SNCAIP: variants seen among roughly 807,000 people sequenced by gnomAD.
SNCAIP encodes the protein synphilin-1.
A neutral mutation model predicts 86.7 loss-of-function variants in SNCAIP; 43 were observed. The observed-to-expected ratio is 0.50, with a 90% CI of 0.39 to 0.64. The LOEUF (loss-of-function observed/expected upper bound fraction) is 0.64, where lower values mean the gene tolerates loss of function less well. SNCAIP is among the 30% of genes least tolerant of loss of function. The pLI, the probability that SNCAIP is intolerant of heterozygous loss-of-function variation, is 0.00. For synonymous variants in SNCAIP, 417 were observed against 427.2 expected (o/e 0.98, Z 0.29); for missense variants, 981 against 1,103.1 (o/e 0.89, Z 1.57).
At chr5:122,425,975 A>G (rs1777300992) in intron 5 of SNCAIP, among the ~76,000 whole-genome samples, 1 of 152,242 alleles carries the variant, frequency 6.6e-6, no homozygotes, top group South Asian at 2.1e-4. Context: ...GAGTGTCTTC[A>G]GTATCAAGAA....
chr5:122,346,429 T>C (rs1003977266), intron 1 of SNCAIP, among the ~76,000 whole-genome samples: 2 of 152,182 alleles, frequency 1.3e-5, no homozygotes, highest in Non-Finnish European at 2.9e-5. Flanking sequence ...GCTCTATATT[T>C]TCTAAGTATA....
intron 10 of SNCAIP, among the ~76,000 whole-genome samples, chr5:122,459,704 C>A (rs548413219): frequency 8.5e-5 from 13 of 152,244 alleles, no homozygotes; most frequent in African/African-American, 2.9e-4. Flanking sequence ...AGCAGAAATG[C>A]CCATCAAAGT....
intron 3 of SNCAIP, among the ~76,000 whole-genome samples, chr5:122,411,428 T>G (rs1039653502): frequency 6.6e-6 from 1 of 152,198 alleles, no homozygotes; most frequent in Non-Finnish European, 1.5e-5. Flanking sequence ...GCTTCTGTTA[T>G]AGCATCTCTG....
intron 1 of SNCAIP, among the ~76,000 whole-genome samples, chr5:122,372,636 T>C (rs1764501014): frequency 6.6e-6 from 1 of 152,180 alleles, no homozygotes; most frequent in African/African-American, 2.4e-5. Context: ...TCTCCAGTCA[T>C]ACTTAGAAGA....
chr5:122,346,204 C>T (rs561101044), intron 1 of SNCAIP, among the ~76,000 whole-genome samples: 1 of 152,244 alleles, frequency 6.6e-6, no homozygotes, highest in East Asian at 1.9e-4. Context: ...GATTTTCTTA[C>T]TTGAAAAGGT....
chr5:122,355,887 C>T (rs1294950734), intron 1 of SNCAIP, among the ~76,000 whole-genome samples: 8 of 152,174 alleles, frequency 5.3e-5, no homozygotes, highest in Non-Finnish European at 1.5e-5. Flanking sequence ...ACGTTGTCAA[C>T]TCCGAGGTTA....
chr5:122,352,681 A>G (rs1338558616), intron 1 of SNCAIP, among the ~76,000 whole-genome samples: 4 of 152,186 alleles, frequency 2.6e-5, no homozygotes, highest in South Asian at 4.1e-4. Flanking sequence ...GGTTGTCCAT[A>G]GTCAATATGA....
At chr5:122,430,534 T>G (rs544056895) in intron 5 of SNCAIP, among the ~76,000 whole-genome samples, 1 of 152,308 alleles carries the variant, frequency 6.6e-6, no homozygotes, top group Non-Finnish European at 1.5e-5. Context: ...TCCATGGTCT[T>G]GCAACTAAGT....
At chr5:122,340,262 A>G (rs116837557) in intron 1 of SNCAIP, among the ~76,000 whole-genome samples, 332 of 152,116 alleles carry the variant, frequency 2.2e-3, no homozygotes, top group Non-Finnish European at 4.0e-3. Context: ...CATGTGATGG[A>G]TGAGGAGGGT....
chr5:122,345,200 TA>T (rs1209984543), intron 1 of SNCAIP, among the ~76,000 whole-genome samples: 3 of 152,204 alleles, frequency 2.0e-5, no homozygotes, highest in African/African-American at 7.2e-5. Context: ...ACTTATCTTT[TA>T]AAAAATGTTG....
Position 122,312,238 on chromosome 5 carries a change from G to A in SNCAIP, c.-93G>A, listed in dbSNP as rs1350680711. On this transcript the variant is annotated 5_prime_UTR_variant, in exon 1 of 11. Transcript: ENST00000261368. ...GCCGCTGCGGTCCGTCGGTCGGTCA[G>A]TCAGTCCCTTCGCGCTCCTGAGCCG... The A allele has an allele frequency of 6.6e-6, 1 of 151,840 alleles. No individual in the cohort carries two copies. The highest frequency in any genetic ancestry group is 2.0e-4 in the East Asian group (1 of 5,046). The allele number at this position is 151,840 out of a possible 1,614,324, so 9.4% of individuals were successfully genotyped here. A position where few individuals can be genotyped will look rare whatever the true frequency, so the allele number is the denominator to read the frequency against.
In SNCAIP at chr5:122,463,781, C is replaced by T. The variant is rs903127236; in HGVS notation, c.*285C>T. ...ATATAACTTGTTTTTTTAAAAGATG[C>T]CGTTTAAAAGCATGATTGGGAAAAT... On this transcript the variant is annotated 3_prime_UTR_variant, in exon 11 of 11. Coordinates refer to ENST00000261368, the MANE Select transcript of SNCAIP (RefSeq NM_005460.4). The T allele has an allele frequency of 1.6e-5, 6 of 386,760 alleles. No homozygotes were observed. The highest frequency in any genetic ancestry group is 2.8e-5 in the Non-Finnish European group (6 of 217,044). 24.0% of individuals were successfully genotyped at this position (386,760 alleles called of 1,614,324 possible). A position where few individuals can be genotyped will look rare whatever the true frequency, so the allele number is the denominator to read the frequency against.
At position 122,451,588 on chromosome 5, in the gene SNCAIP, G is replaced by A. The variant is rs1485058134; in HGVS notation, c.2741G>A (p.Gly914Glu). ...AACCCTGCCAGCTCCGCTAGCAAAG[G>A]AAAGAATAAGGCAGTAAGTGCTATT... ...KGNPASSASK[G>E]KNKAA Residue 914 changes from glycine (G) to glutamate (E), a missense_variant, in exon 10 of 11, where the codon GGA becomes GAA. Transcript: ENST00000261368. 1 of 1,606,172 alleles carries A rather than the reference G, an allele frequency of 6.2e-7. No individual in the cohort carries two copies.
At chr5:122,435,521 TGA>T (rs1323921021) in intron 6 of SNCAIP, among the ~76,000 whole-genome samples, 1 of 152,200 alleles carries the variant, frequency 6.6e-6, no homozygotes, top group Non-Finnish European at 1.5e-5. Context: ...CTTTTGTTTC[TGA>T]ATCATTCATG....
intron 2 of SNCAIP, among the ~76,000 whole-genome samples, chr5:122,396,062 G>C (rs762043203): frequency 6.6e-6 from 1 of 152,074 alleles, no homozygotes; most frequent in Non-Finnish European, 1.5e-5. Flanking sequence ...GTGTGATCTA[G>C]TTCCAGCAAC....
intron 1 of SNCAIP, among the ~76,000 whole-genome samples, chr5:122,322,408 T>A (rs1753130156): frequency 6.6e-6 from 1 of 152,236 alleles, no homozygotes; most frequent in African/African-American, 2.4e-5. Context: ...ATATGTTTGA[T>A]CTGTTAAGTC....
intron 1 of SNCAIP, among the ~76,000 whole-genome samples, chr5:122,350,411 AG>A: frequency 6.6e-6 from 1 of 152,202 alleles, no homozygotes; most frequent in African/African-American, 2.4e-5. Context: ...AGTATACAAT[AG>A]TATATTTTAG....
chr5:122,367,366 T>A (rs1763390514), intron 1 of SNCAIP, among the ~76,000 whole-genome samples: 1 of 152,106 alleles, frequency 6.6e-6, no homozygotes, highest in Non-Finnish European at 1.5e-5. Flanking sequence ...TTGTGCTGGG[T>A]TAGGAACTAA....
chr5:122,323,627 A>G (rs1482243562), intron 1 of SNCAIP, among the ~76,000 whole-genome samples: 2 of 152,250 alleles, frequency 1.3e-5, no homozygotes, highest in African/African-American at 2.4e-5. Flanking sequence ...TAAAATAAGC[A>G]TCACGATGTG....
Sources: allele counts gnomAD v4.1 joint callset (sites outside exome capture counted in the v4.1 genomes callset), GRCh38; gene constraint gnomAD v4.1.1; transcripts MANE v1.5; gene names NCBI Gene and HGNC (gene_info 2026-07-23, HGNC 2026-07-21).